Variants in KIAA0319L observed in about 807,000 individuals in gnomAD.
KIAA0319L encodes the protein dyslexia-associated protein KIAA0319-like protein.
KIAA0319L carries 55 observed loss-of-function variants against 120.1 expected under a neutral mutation model. That is an observed-to-expected ratio of 0.46 (90% CI 0.37 to 0.57). KIAA0319L has a LOEUF of 0.57. KIAA0319L is among the 20% of genes least tolerant of loss of function. The probability of loss-of-function intolerance (pLI) is 0.00; values close to 1 mark genes in which losing one functional copy is unlikely to be tolerated. For synonymous variants in KIAA0319L, 398 were observed against 471.9 expected (o/e 0.84, Z 2.03); for missense variants, 1,049 against 1,255.3 (o/e 0.84, Z 2.48).
At chr1:35,520,137 C>G (rs1172638728) in intron 2 of KIAA0319L, among the ~76,000 whole-genome samples, 1 of 151,416 alleles carries the variant, frequency 6.6e-6, no homozygotes, top group Non-Finnish European at 1.5e-5. Flanking sequence ...GAGTCTCACT[C>G]TGTCGCCCAG....
intron 2 of KIAA0319L, among the ~76,000 whole-genome samples, chr1:35,515,975 C>A (rs775698354): frequency 6.6e-6 from 1 of 152,126 alleles, no homozygotes; most frequent in Non-Finnish European, 1.5e-5. Context: ...TTCCTGGACA[C>A]ATACACCCTC....
intron 2 of KIAA0319L, among the ~76,000 whole-genome samples, chr1:35,517,622 G>A (rs946468627): frequency 1.3e-5 from 2 of 151,940 alleles, no homozygotes; most frequent in African/African-American, 2.4e-5. Flanking sequence ...GGAAGACAAC[G>A]ACAACCTAGG....
rs1414704674 is a variant in KIAA0319L, at chr1:35,513,288, A to ATATATATATT, written c.143-6154_143-6153insAATATATATA. 1.3e-4 allele frequency among the ~76,000 whole-genome samples: 11 copies of ATATATATATT among 85,302 alleles called. No homozygotes were observed. The East Asian group carries it at 1.8e-3, about 14-fold the overall frequency. 56.0% of individuals were successfully genotyped at this position (85,302 alleles called of 152,430 possible). On this transcript the variant is annotated intron_variant, in intron 2 of 20. Transcript: ENST00000325722. ...ATAACATATATATATATATATATAT[A>ATATATATATT]TTTTTTTTTTTTTTTTTTTCTGTCC...
chr1:35,543,716 AG>A (rs1646879200), intron 2 of KIAA0319L, among the ~76,000 whole-genome samples: 1 of 152,182 alleles, frequency 6.6e-6, no homozygotes, highest in South Asian at 2.1e-4. Flanking sequence ...GGCAGGTATG[AG>A]AACAACAACA....
chr1:35,467,383 C>T (rs1643338710), intron 6 of KIAA0319L, among the ~76,000 whole-genome samples: 1 of 151,370 alleles, frequency 6.6e-6, no homozygotes, highest in African/African-American at 2.4e-5. Flanking sequence ...AAGTACCCAG[C>T]ATATCACTAT....
chr1:35,472,295 T>C (rs1643672256), intron 5 of KIAA0319L, among the ~76,000 whole-genome samples: 1 of 152,166 alleles, frequency 6.6e-6, no homozygotes, highest in African/African-American at 2.4e-5. Flanking sequence ...TTTGTTCTAT[T>C]GACTGACTGA....
chr1:35,453,525 T>C lies in KIAA0319L; in HGVS notation c.1913+32A>G. On this transcript the variant is annotated intron_variant, in intron 12 of 20. Coordinates refer to ENST00000325722, the MANE Select transcript of KIAA0319L (RefSeq NM_024874.5). This position sits in a 1 kb window ranked among gnomAD's most constrained non-coding sequence, Gnocchi z 4.1. ...TTGCTCTTCCAAGGTCTGGAGGCTTTGCAAAAATAAGGATTTTGTGTCAAT... is the reference window on the plus strand; with the variant it reads ...TTGCTCTTCCAAGGTCTGGAGGCTTCGCAAAAATAAGGATTTTGTGTCAAT... 1 of 1,611,918 alleles carries C rather than the reference T, an allele frequency of 6.2e-7. No individual in the cohort carries two copies. The highest frequency in any genetic ancestry group is 8.5e-7 in the Non-Finnish European group (1 of 1,178,270).
intron 2 of KIAA0319L, among the ~76,000 whole-genome samples, chr1:35,544,349 A>C (rs1389885273): frequency 6.7e-6 from 1 of 149,572 alleles, no homozygotes; most frequent in African/African-American, 2.5e-5. Flanking sequence ...AGCCTAGGTG[A>C]CAGACTGAGA....
At chr1:35,466,731 A>T in intron 6 of KIAA0319L, 36 bp from the exon 7 acceptor site, 1 of 1,340,278 alleles carries the variant, frequency 7.5e-7, no homozygotes, top group Non-Finnish European at 1.1e-6. Context: ...AGACAATCAC[A>T]AAGAGCAGGA....
chr1:35,440,551 G>C (rs1022525035), intron 20 of KIAA0319L: 1 of 155,192 alleles, frequency 6.4e-6, no homozygotes, highest in Non-Finnish European at 1.4e-5. Context: ...GTTTGTGCAA[G>C]GAAATGCCCT....
At chr1:35,442,179 A>C in intron 19 of KIAA0319L, 67 bp downstream of exon 19, 4 of 1,248,560 alleles carry the variant, frequency 3.2e-6, no homozygotes, top group Non-Finnish European at 4.7e-6. Context: ...AAGGTGCCAA[A>C]TACCTCTCTG....
intron 6 of KIAA0319L, 69 bp from the exon 7 acceptor site, chr1:35,466,764 T>C (rs1643292551): frequency 1.8e-6 from 2 of 1,096,794 alleles, no homozygotes; most frequent in East Asian, 4.8e-5. Flanking sequence ...ATAAGATATA[T>C]CTGAACTTTC....
intron 9 of KIAA0319L, among the ~76,000 whole-genome samples, chr1:35,457,942 T>C (rs952872421): frequency 6.6e-6 from 1 of 152,278 alleles, no homozygotes; most frequent in East Asian, 1.9e-4. Flanking sequence ...TTTTTTGTTT[T>C]GTTTTTTTTC....
chr1:35,461,518 A>G (rs1242925678), intron 8 of KIAA0319L, among the ~76,000 whole-genome samples: 2 of 152,232 alleles, frequency 1.3e-5, no homozygotes, highest in African/African-American at 4.8e-5. Context: ...CACACATAAC[A>G]GCACATATAA....
At chr1:35,491,643 C>T (rs748344248) in intron 3 of KIAA0319L, among the ~76,000 whole-genome samples, 2 of 151,724 alleles carry the variant, frequency 1.3e-5, no homozygotes, top group South Asian at 2.1e-4. Flanking sequence ...AAAGGATTAG[C>T]GCAGAAATCA....
At chr1:35,554,220 G>A in intron 2 of KIAA0319L, 130 bp downstream of exon 2, 1 of 594,014 alleles carries the variant, frequency 1.7e-6, no homozygotes, top group Admixed American at 3.9e-5. Context: ...GTCACCAAAA[G>A]GATGACCATT....
chr1:35,448,154 C>A lies in KIAA0319L; in HGVS notation c.2513+19G>T, dbSNP rs751315305. On this transcript the variant is annotated intron_variant, in intron 16 of 20. Coordinates refer to ENST00000325722, the MANE Select transcript of KIAA0319L (RefSeq NM_024874.5). ...GCCCCTGGTCTTTCCTTTGCTCCCCCCATTCATTGCCCAGCTACCTCTGCT... is the reference window on the plus strand; with the variant it reads ...GCCCCTGGTCTTTCCTTTGCTCCCCACATTCATTGCCCAGCTACCTCTGCT... 3.2e-6 allele frequency: 5 copies of A among 1,565,670 alleles called. No individual in the cohort carries two copies. Among genetic ancestry groups the A allele is most frequent in the African/African-American group, 1.4e-5 (1 of 73,168 alleles).
intron 12 of KIAA0319L, among the ~76,000 whole-genome samples, chr1:35,452,192 C>T (rs997177907): frequency 1.3e-5 from 2 of 152,238 alleles, no homozygotes; most frequent in Admixed American, 1.3e-4. Context: ...TTCTTAATCA[C>T]GTGCCCAAAT....
intron 13 of KIAA0319L, 48 bp downstream of exon 13, chr1:35,451,580 C>T: frequency 1.3e-6 from 2 of 1,566,148 alleles, no homozygotes; most frequent in Non-Finnish European, 1.7e-6. Flanking sequence ...AATTCTTCAG[C>T]TATCTGACCC....
Sources: gnomAD v4.1 joint callset for allele counts (sites outside exome capture counted in the v4.1 genomes callset) on GRCh38, gnomAD v4.1.1 for gene constraint, Gnocchi (gnomAD v3.1) non-coding constraint, MANE v1.5 for transcripts, NCBI Gene and HGNC (gene_info 2026-07-23, HGNC 2026-07-21) for gene names.